The following CLIP2 variants were observed in gnomAD, a reference collection of about 807,000 sequenced individuals.
CLIP2 encodes CAP-Gly domain-containing linker protein 2.
A neutral mutation model predicts 111.7 loss-of-function variants in CLIP2; 41 were observed. The ratio of observed to expected loss-of-function variants is 0.37; its 90% CI spans 0.29 to 0.48. The LOEUF is 0.48. Ranked by LOEUF, CLIP2 falls within the 20% of genes least tolerant of loss-of-function variation. CLIP2 has a pLI of 0.99. For missense variants in CLIP2, 1,160 were observed against 1,422.1 expected, an observed-to-expected ratio of 0.82 and a Z score of 2.96; for synonymous variants, 660 against 644.2, an observed-to-expected ratio of 1.02 and a Z score of -0.37.
chr7:74,321,939 C>T (rs931145756), intron 2 of CLIP2, among the ~76,000 whole-genome samples: 1 of 150,902 alleles, frequency 6.6e-6, no homozygotes, highest in Non-Finnish European at 1.5e-5. Flanking sequence ...GACAGGTGTA[C>T]CCTATTTTCT....
chr7:74,393,440 G>T lies in CLIP2; in HGVS notation c.2721-3634G>T, dbSNP rs1474261209. Among the ~76,000 whole-genome samples the T allele has an allele frequency of 8.6e-5, 13 of 151,886 alleles. 1 individual carries two copies. The highest frequency in any genetic ancestry group is 5.9e-4 in the Admixed American group (9 of 15,212). On this transcript the variant is annotated intron_variant, in intron 13 of 16. Transcript: ENST00000223398. The stretch of plus-strand genomic sequence containing the variant: ...CAACCTCCACCTCCTAGGTTCAAGT[G>T]ATTCTCCTGCCTCAGCCTTATGAGT...
At chr7:74,363,910 AAGGG>A (rs1273147912) in intron 7 of CLIP2, among the ~76,000 whole-genome samples, 6 of 149,484 alleles carry the variant, frequency 4.0e-5, no homozygotes, top group African/African-American at 1.2e-4. Context: ...AAAAAAAAAA[AAGGG>A]AGGGAGGAAG....
At chr7:74,324,537 C>G (rs1554730450) in intron 2 of CLIP2, among the ~76,000 whole-genome samples, 3 of 152,038 alleles carry the variant, frequency 2.0e-5, no homozygotes, top group African/African-American at 4.8e-5. Flanking sequence ...TCAAAGCTGT[C>G]CCAGAGAGAG....
intron 3 of CLIP2, among the ~76,000 whole-genome samples, chr7:74,345,395 G>A (rs1000375236): frequency 1.3e-5 from 2 of 151,928 alleles, no homozygotes; most frequent in South Asian, 2.1e-4. Context: ...CCACCCACCT[G>A]GCTAATTTTT....
intron 1 of CLIP2, among the ~76,000 whole-genome samples, chr7:74,307,631 C>T (rs1336043305): frequency 6.6e-6 from 1 of 152,140 alleles, no homozygotes; most frequent in Non-Finnish European, 1.5e-5. Flanking sequence ...GCTGGGACTA[C>T]AGGTGCCCAC....
intron 3 of CLIP2, among the ~76,000 whole-genome samples, chr7:74,349,914 C>T (rs192125118): frequency 2.0e-4 from 30 of 152,016 alleles, no homozygotes; most frequent in African/African-American, 6.5e-4. Flanking sequence ...TGCACCCAGC[C>T]GTGTGATTCC....
At chr7:74,360,143 T>C in intron 6 of CLIP2, 32 bp from the exon 7 acceptor site, 1 of 1,553,478 alleles carries the variant, frequency 6.4e-7, no homozygotes, top group East Asian at 2.4e-5. Context: ...CGGAGCATGC[T>C]GACCCTGTCC....
At position 74,363,189 on chromosome 7, in the gene CLIP2, A is replaced by G. The variant is rs113704860; in HGVS notation, c.1320-1066A>G. 5.3e-3 allele frequency among the ~76,000 whole-genome samples: 811 copies of G among 152,152 alleles called. 9 individuals are homozygous for G. Among genetic ancestry groups the G allele is most frequent in the African/African-American group, 0.019 (780 of 41,540 alleles). On this transcript the variant is annotated intron_variant, in intron 7 of 16. Coordinates refer to ENST00000223398, the MANE Select transcript of CLIP2 (RefSeq NM_003388.5). ...CCCGCTAATTTTGTATTTTTAGTAG[A>G]GACAGTTTCTCCATGTTGGTCAGGC...
chr7:74,315,472 T>C (rs567029416), intron 1 of CLIP2, among the ~76,000 whole-genome samples: 4 of 152,164 alleles, frequency 2.6e-5, no homozygotes, highest in Non-Finnish European at 5.9e-5. Flanking sequence ...CTTGAGTTCC[T>C]GGGCTCAAGT....
chr7:74,351,085 AAAAGAAG>A (rs370749198), intron 3 of CLIP2, among the ~76,000 whole-genome samples: 89,354 of 145,778 alleles, frequency 0.61, 28,820 homozygotes, highest in Non-Finnish European at 0.73. Context: ...GAAAGAAAGA[AAAAGAAG>A]GAAGGGAAGG....
rs1480326041 is a variant in CLIP2, at chr7:74,322,777, C to T, written c.121+5110C>T. ...GATGGAGTCTCGCTCTGTCACCAGG[C>T]TCAAGTGCAGTGGCGCGATCTTGGC... On this transcript the variant is annotated intron_variant, in intron 2 of 16. Transcript: ENST00000223398. 2.0e-5 allele frequency among the ~76,000 whole-genome samples: 3 copies of T among 152,102 alleles called. No individual in the cohort carries two copies. The East Asian group carries it at 5.8e-4, about 29-fold the overall frequency.
At chr7:74,292,975 C>T (rs1340830804) in intron 1 of CLIP2, among the ~76,000 whole-genome samples, 2 of 152,188 alleles carry the variant, frequency 1.3e-5, no homozygotes, top group Non-Finnish European at 2.9e-5. Context: ...TTAGGGTCCG[C>T]CCCCAGTTGG....
chr7:74,354,703 G>A lies in CLIP2; in HGVS notation c.803+699G>A, dbSNP rs1001013041. ...TGAGAATTGCTGGAACCCGGGAGGC[G>A]AAGGTTGCAGTGAGCTGAGATCACG... On this transcript the variant is annotated intron_variant, in intron 4 of 16. Transcript: ENST00000223398. Among the ~76,000 whole-genome samples the A allele has an allele frequency of 3.3e-5, 5 of 151,954 alleles. No homozygotes were observed. The South Asian group carries it at 8.3e-4, about 25-fold the overall frequency.
chr7:74,402,247 A>G (rs1791642458), intron 16 of CLIP2, among the ~76,000 whole-genome samples: 1 of 150,934 alleles, frequency 6.6e-6, no homozygotes, highest in African/African-American at 2.4e-5. Flanking sequence ...GGATAATGGC[A>G]TGAACCCGGA....
rs565479663 is a variant in CLIP2 at position 74,365,541 on chromosome 7, A to G, written c.1380+1226A>G. ...CTCTGATTGGTCCCAGGGATAGCCA[A>G]TGGGCTGGCTGGCTCTGGATAGGGG... On this transcript the variant is annotated intron_variant, in intron 8 of 16. Transcript: ENST00000223398. 3.3e-5 allele frequency among the ~76,000 whole-genome samples: 5 copies of G among 152,304 alleles called. No homozygotes were observed. The South Asian group carries it at 6.2e-4, about 19-fold the overall frequency.
intron 2 of CLIP2, among the ~76,000 whole-genome samples, chr7:74,321,539 G>C (rs1235617997): frequency 6.6e-6 from 1 of 151,494 alleles, no homozygotes; most frequent in East Asian, 2.0e-4. Context: ...GTGCGATCTC[G>C]GCTCACTGCA....
At chr7:74,290,796 C>T (rs1461040529) in intron 1 of CLIP2, among the ~76,000 whole-genome samples, 1 of 151,810 alleles carries the variant, frequency 6.6e-6, no homozygotes, top group Non-Finnish European at 1.5e-5. Context: ...ACAATAAGCC[C>T]TTCATTCAGC....
chr7:74,400,400 C>T lies in CLIP2; in HGVS notation c.2911C>T (p.Arg971Cys), dbSNP rs782613323. The change falls in exon 15 of 17, where the codon CGC becomes TGC. Residue 971 changes from arginine (R) to cysteine (C), a missense_variant. This residue lies in a region of CLIP2 where 676 missense variants were observed against 777.8 expected (regional missense o/e 0.87). Transcript: ENST00000223398. ...DKEKSLSDQR[R>C]YSLIDRSSAP... is the part of the protein sequence containing the mutation. ...AGAGAAATCCCTGTCGGATCAGAGG[C>T]GCTACTCCCTCATCGACCGGTCCTC... 9.9e-6 allele frequency: 16 copies of T among 1,612,688 alleles called. No individual in the cohort carries two copies. Among genetic ancestry groups the T allele is most frequent in the South Asian group, 2.2e-5 (2 of 90,858 alleles).
At chr7:74,400,613 G>C in intron 15 of CLIP2, 58 bp downstream of exon 15, 24 of 1,447,182 alleles carry the variant, frequency 1.7e-5, no homozygotes, top group Non-Finnish European at 2.2e-5. Context: ...TGTCCTCGGA[G>C]CCCCCGTCTG....
Sources: gnomAD v4.1 joint callset for allele counts (sites outside exome capture counted in the v4.1 genomes callset) on GRCh38, gnomAD v4.1.1 for gene constraint, gnomAD v4.1.1 regional missense constraint, MANE v1.5 for transcripts, NCBI Gene and HGNC (gene_info 2026-07-23, HGNC 2026-07-21) for gene names.